The following LPGAT1 variants were observed in gnomAD, a reference collection of about 807,000 sequenced individuals.
The protein encoded by LPGAT1 is acyl-CoA:lysophosphatidylglycerol acyltransferase 1.
Under a neutral mutation model 47.5 loss-of-function variants are expected in LPGAT1, and 11 were observed. That is an observed-to-expected ratio of 0.23 (90% CI 0.15 to 0.38). The LOEUF (loss-of-function observed/expected upper bound fraction) is 0.38. Among genes scored for constraint, LPGAT1 ranks in the 10% least tolerant of loss-of-function variants. LPGAT1 has a pLI of 1.00. For missense variants in LPGAT1, 293 were observed against 439.0 expected, an observed-to-expected ratio of 0.67 and a Z score of 2.97; for synonymous variants, 138 against 144.2, an observed-to-expected ratio of 0.96 and a Z score of 0.31.
At chr1:211,774,787 A>C (rs1255461673) in intron 6 of LPGAT1, among the ~76,000 whole-genome samples, 1 of 152,218 alleles carries the variant, frequency 6.6e-6, no homozygotes, top group Non-Finnish European at 1.5e-5. Flanking sequence ...CATAAGCCTG[A>C]GTAGTAAATT....
At chr1:211,765,084 T>G (rs996753962) in intron 6 of LPGAT1, among the ~76,000 whole-genome samples, 1 of 152,230 alleles carries the variant, frequency 6.6e-6, no homozygotes, top group African/African-American at 2.4e-5. Context: ...TGAGCAGAAG[T>G]GAACTCTCCG....
chr1:211,766,387 C>A (rs917205071), intron 6 of LPGAT1, among the ~76,000 whole-genome samples: 1 of 152,118 alleles, frequency 6.6e-6, no homozygotes, highest in Admixed American at 6.6e-5. Context: ...TGACTTACAA[C>A]GGGGTTACAT....
At position 211,783,340 on chromosome 1, in the gene LPGAT1, A is replaced by G; in HGVS notation, c.616T>C (p.Phe206Leu). The G allele has an allele frequency of 6.2e-7, 1 of 1,614,204 alleles. No individual in the cohort carries two copies. The highest frequency in any genetic ancestry group is 8.5e-7 in the Non-Finnish European group (1 of 1,180,046). The change falls in exon 5 of 8, where the codon TTT (phenylalanine) becomes CTT (leucine). Residue 206 changes from phenylalanine (F) to leucine (L), a missense_variant. Coordinates refer to ENST00000366997, the MANE Select transcript of LPGAT1 (RefSeq NM_014873.3). ...QAFAKKNNLPFLTNVTLPRSG... is the reference protein window; with the variant it reads ...QAFAKKNNLPLLTNVTLPRSG... The stretch of plus-strand genomic sequence containing the variant: ...CTTGGCAGAGTAACATTTGTAAGAA[A>G]TGGCAAGTTATTTTTCTTGGCAAAT...
intron 2 of LPGAT1, among the ~76,000 whole-genome samples, chr1:211,794,934 A>C (rs1348668983): frequency 6.6e-6 from 1 of 152,198 alleles, no homozygotes; most frequent in Non-Finnish European, 1.5e-5. Context: ...GCAAAATGAC[A>C]TGTACACAAG....
intron 2 of LPGAT1, among the ~76,000 whole-genome samples, chr1:211,799,754 G>A (rs1659497426): frequency 6.6e-6 from 1 of 152,046 alleles, no homozygotes; most frequent in Non-Finnish European, 1.5e-5. Context: ...AGGTCTAAAG[G>A]GGCAGGTATC....
At chr1:211,774,012 G>A (rs1156567087) in intron 6 of LPGAT1, among the ~76,000 whole-genome samples, 2 of 151,694 alleles carry the variant, frequency 1.3e-5, no homozygotes, top group Admixed American at 1.3e-4. Flanking sequence ...ATAAATGGCT[G>A]AGATACAATA....
intron 2 of LPGAT1, among the ~76,000 whole-genome samples, chr1:211,809,009 A>C (rs866074004): frequency 1.3e-5 from 2 of 151,818 alleles, no homozygotes; most frequent in Non-Finnish European, 2.9e-5. Context: ...CATCCTGGCT[A>C]ACACAGTGAA....
chr1:211,774,549 T>C (rs1658313175), intron 6 of LPGAT1, among the ~76,000 whole-genome samples: 1 of 152,176 alleles, frequency 6.6e-6, no homozygotes, highest in Non-Finnish European at 1.5e-5. Flanking sequence ...TGCCACAAAT[T>C]TTCTGAGGAA....
chr1:211,748,850 CA>C lies in LPGAT1; in HGVS notation c.*1048del, dbSNP rs1028410198. The C allele has an allele frequency of 1.3e-5, 2 of 152,544 alleles. No homozygotes were observed. Among genetic ancestry groups the C allele is most frequent in the African/African-American group, 4.8e-5 (2 of 41,450 alleles). The allele number at this position is 152,544 out of a possible 1,614,324, so 9.4% of individuals were successfully genotyped here. On this transcript the variant is annotated 3_prime_UTR_variant, in exon 8 of 8. Coordinates refer to ENST00000366997, the MANE Select transcript of LPGAT1 (RefSeq NM_014873.3). ...GGGGTGCCACATGAGAACCTGTCACCATTATAAGCCACTAGCTCTTATTTTT... is the reference window on the plus strand; with the variant it reads ...GGGGTGCCACATGAGAACCTGTCACCTTATAAGCCACTAGCTCTTATTTTT...
chr1:211,822,651 G>A lies in LPGAT1; in HGVS notation c.238+6408C>T, dbSNP rs185779409. Among the ~76,000 whole-genome samples, 120 of 151,968 alleles carry A rather than the reference G, an allele frequency of 7.9e-4. 1 individual carries two copies. The East Asian group carries it at 0.019, about 25-fold the overall frequency. ...AAATTAGCCAGGCATGGTGGTACAT[G>A]CCTGTAATCCCAGCTACTCGGGAGG... On this transcript the variant is annotated intron_variant, in intron 2 of 7. Coordinates refer to ENST00000366997, the MANE Select transcript of LPGAT1 (RefSeq NM_014873.3).
At chr1:211,752,005 C>T (rs1657208055) in intron 6 of LPGAT1, among the ~76,000 whole-genome samples, 1 of 152,186 alleles carries the variant, frequency 6.6e-6, no homozygotes, top group Non-Finnish European at 1.5e-5. Context: ...ATTCCCATAA[C>T]ATATGCACAT....
chr1:211,779,934 T>C (rs1405309137), intron 5 of LPGAT1, among the ~76,000 whole-genome samples: 2 of 151,716 alleles, frequency 1.3e-5, no homozygotes, highest in African/African-American at 4.8e-5. Flanking sequence ...TCCCAGCACT[T>C]TGGGAGGCTG....
At chr1:211,818,112 C>T (rs763900646) in intron 2 of LPGAT1, among the ~76,000 whole-genome samples, 4 of 152,028 alleles carry the variant, frequency 2.6e-5, no homozygotes, top group Non-Finnish European at 5.9e-5. Context: ...TAGGATTACA[C>T]GCGTGAACCA....
rs1027904775 is a variant in LPGAT1, at chr1:211,770,091, A to G, written c.854+8827T>C. ...AATACATGATATTTTTAATGCTCTC[A>G]TAACAAAAAATAATACACAATATTT... is the stretch of plus-strand genomic sequence containing the variant. On this transcript the variant is annotated intron_variant, in intron 6 of 7. Transcript: ENST00000366997. Among the ~76,000 whole-genome samples, 6 of 152,214 alleles carry G rather than the reference A, an allele frequency of 3.9e-5. No homozygotes were observed. In the South Asian group the frequency reaches 6.2e-4, roughly 16 times the overall value.
chr1:211,763,615 A>C (rs1657793494), intron 6 of LPGAT1, among the ~76,000 whole-genome samples: 1 of 152,248 alleles, frequency 6.6e-6, no homozygotes, highest in Non-Finnish European at 1.5e-5. Flanking sequence ...AATTTCTAAA[A>C]GTCAAAGCAT....
intron 4 of LPGAT1, 140 bp downstream of exon 4, chr1:211,787,489 CAAA>C (rs374026763): frequency 0.028 from 5,323 of 188,098 alleles, no homozygotes; most frequent in South Asian, 0.041. Context: ...CTCTGTCTCT[CAAA>C]AAAAAAAAAA....
intron 4 of LPGAT1, among the ~76,000 whole-genome samples, chr1:211,787,171 T>C (rs1266888436): frequency 6.6e-6 from 1 of 152,162 alleles, no homozygotes; most frequent in Non-Finnish European, 1.5e-5. Flanking sequence ...AAATAAATGG[T>C]TAGGGAACAA....
rs1276481271 is a variant in LPGAT1 at position 211,748,527 on chromosome 1, A to C, written c.*1372T>G. 6.6e-6 allele frequency: 1 copy of C among 152,260 alleles called. No individual in the cohort carries two copies. The highest frequency in any genetic ancestry group is 1.5e-5 in the Non-Finnish European group (1 of 68,090). 9.4% of individuals were successfully genotyped at this position (152,260 alleles called of 1,614,324 possible). ...TGGTGAAACCCCATCTCTACTAAAA[A>C]TACAAAAATTAGCCAAGCATGATGG... On this transcript the variant is annotated 3_prime_UTR_variant, in exon 8 of 8. Transcript: ENST00000366997.
intron 6 of LPGAT1, among the ~76,000 whole-genome samples, chr1:211,762,354 G>T: frequency 6.6e-6 from 1 of 152,208 alleles, no homozygotes; most frequent in Non-Finnish European, 1.5e-5. Context: ...CGGGGACGGG[G>T]CTATGTGTTG....
Sources: gnomAD v4.1 joint callset for allele counts (sites outside exome capture counted in the v4.1 genomes callset) on GRCh38, gnomAD v4.1.1 for gene constraint, MANE v1.5 for transcripts, NCBI Gene and HGNC (gene_info 2026-07-23, HGNC 2026-07-21) for gene names.